The following KIF6 variants were observed in gnomAD, a reference collection of about 807,000 sequenced individuals.
KIF6 encodes the protein kinesin family member 6.
KIF6 carries 106 observed loss-of-function variants against 112.7 expected under a neutral mutation model. The observed-to-expected ratio is 0.94, with a 90% CI of 0.80 to 1.11. The LOEUF is 1.11. Among genes scored for constraint, KIF6 ranks in the 50% least tolerant of loss-of-function variants. KIF6 has a pLI of 0.00. For synonymous variants in KIF6, 339 were observed against 339.9 expected (o/e 1.00, Z 0.03); for missense variants, 929 against 964.0 (o/e 0.96, Z 0.48).
intron 3 of KIF6, among the ~76,000 whole-genome samples, chr6:39,656,890 C>T (rs751969953): frequency 3.9e-5 from 6 of 152,130 alleles, no homozygotes; most frequent in Admixed American, 6.5e-5. Flanking sequence ...GTCCCTCTTC[C>T]ACTCATCATA....
At chr6:39,546,716 C>G (rs1000338918) in intron 10 of KIF6, among the ~76,000 whole-genome samples, 1 of 151,574 alleles carries the variant, frequency 6.6e-6, no homozygotes, top group African/African-American at 2.4e-5. Context: ...ATCCTATCTA[C>G]TTAGGAGGCT....
At chr6:39,574,112 A>T (rs1352236635) in intron 10 of KIF6, among the ~76,000 whole-genome samples, 1 of 152,234 alleles carries the variant, frequency 6.6e-6, no homozygotes, top group Non-Finnish European at 1.5e-5. Flanking sequence ...TCACAATTTT[A>T]GTTTTCATTC....
intron 10 of KIF6, among the ~76,000 whole-genome samples, chr6:39,568,536 ATTTTC>A (rs945585031): frequency 2.0e-5 from 3 of 149,592 alleles, no homozygotes; most frequent in South Asian, 2.1e-4. Context: ...GAGATTTTTC[ATTTTC>A]TTTTCTTTTC....
At chr6:39,704,291 A>G (rs1789053810) in intron 3 of KIF6, among the ~76,000 whole-genome samples, 2 of 152,340 alleles carry the variant, frequency 1.3e-5, no homozygotes, top group Admixed American at 1.3e-4. Context: ...AATGAGGTAG[A>G]TATTACAGTA....
chr6:39,345,109 G>A (rs1437468957), intron 21 of KIF6, among the ~76,000 whole-genome samples: 1 of 152,240 alleles, frequency 6.6e-6, no homozygotes, highest in Non-Finnish European at 1.5e-5. Flanking sequence ...CCTCTGCACA[G>A]CAGGAGGTGG....
intron 13 of KIF6, among the ~76,000 whole-genome samples, chr6:39,450,417 A>C (rs1437408094): frequency 6.6e-6 from 1 of 152,220 alleles, no homozygotes; most frequent in African/African-American, 2.4e-5. Context: ...ATGCCTGAGG[A>C]GGTAAGAATA....
In KIF6 at chr6:39,391,657, TAA is replaced by T. The variant is rs1767906844; in HGVS notation, c.1811-5987_1811-5986del. Reference sequence around the variant, plus strand: ...GAGAAATAAATAAAACGTGTTTCGTTAAAAATGGGCCTGCCCAGCAAAATGCC... The same window carrying T: ...GAGAAATAAATAAAACGTGTTTCGTTAAATGGGCCTGCCCAGCAAAATGCC... On this transcript the variant is annotated intron_variant, in intron 15 of 22. Coordinates refer to ENST00000287152, the MANE Select transcript of KIF6 (RefSeq NM_145027.6). Among the ~76,000 whole-genome samples, 3 of 152,302 alleles carry T rather than the reference TAA, an allele frequency of 2.0e-5. No homozygotes were observed. The Middle Eastern group carries it at 0.01, about 518-fold the overall frequency.
At chr6:39,539,639 G>A (rs1778669428) in intron 13 of KIF6, among the ~76,000 whole-genome samples, 1 of 152,094 alleles carries the variant, frequency 6.6e-6, no homozygotes, top group Non-Finnish European at 1.5e-5. Context: ...CACCGTGCCT[G>A]GCCTGGTAAT....
rs184918240 is a variant in KIF6 at position 39,588,481 on chromosome 6, T to C, written c.847-2077A>G. 7.7e-3 allele frequency among the ~76,000 whole-genome samples: 1,174 copies of C among 152,308 alleles called. 18 individuals are homozygous for C. Among genetic ancestry groups the C allele is most frequent in the African/African-American group, 0.027 (1,116 of 41,562 alleles). On this transcript the variant is annotated intron_variant, in intron 7 of 22. Transcript: ENST00000287152. ...CACCCGCCTCGGCCTCCCAAAGTGC[T>C]AGGATTACAGGTGTGAGCCACTGTG...
chr6:39,426,521 A>G (rs1442872138), intron 14 of KIF6, among the ~76,000 whole-genome samples: 1 of 152,108 alleles, frequency 6.6e-6, no homozygotes, highest in African/African-American at 2.4e-5. Context: ...AGGCCCAGGG[A>G]GGGGGGAGGA....
rs184669374 is a variant in KIF6 at position 39,405,052 on chromosome 6, T to G, written c.1810+14896A>C. On this transcript the variant is annotated intron_variant, in intron 15 of 22. Coordinates refer to ENST00000287152, the MANE Select transcript of KIF6 (RefSeq NM_145027.6). ...TAGAATGTAGGAATATAATTGATTT[T>G]TATGTGTAGACCTTGTATCCTACAG... Among the ~76,000 whole-genome samples the G allele has an allele frequency of 2.2e-4, 33 of 152,106 alleles. No homozygotes were observed. The East Asian group carries it at 3.9e-3, about 18-fold the overall frequency.
intron 15 of KIF6, among the ~76,000 whole-genome samples, chr6:39,406,513 T>G (rs1209914397): frequency 6.6e-6 from 1 of 152,204 alleles, no homozygotes; most frequent in African/African-American, 2.4e-5. Flanking sequence ...TTTGGAATTA[T>G]TTTTGTTCTT....
chr6:39,514,908 T>C (rs1207902636), intron 13 of KIF6, among the ~76,000 whole-genome samples: 1 of 152,198 alleles, frequency 6.6e-6, no homozygotes, highest in Non-Finnish European at 1.5e-5. Context: ...ACCAGCATTG[T>C]TTTCACTGAT....
Position 39,343,407 on chromosome 6 carries a change from T to G in KIF6, c.2428+302A>C, listed in dbSNP as rs1763454290. ...GCCTGAGCAGAGGAGACAGCTGACT[T>G]TGGGAACAGAGAACAAAGGAGCTGA... On this transcript the variant is annotated intron_variant, in intron 22 of 22. Coordinates refer to ENST00000287152, the MANE Select transcript of KIF6 (RefSeq NM_145027.6). This position sits in a 1 kb window ranked among gnomAD's most constrained non-coding sequence, Gnocchi z 4.1. 2.2e-6 allele frequency: 3 copies of G among 1,359,156 alleles called. No homozygotes were observed. The South Asian group carries it at 3.7e-5, about 17-fold the overall frequency. The allele number at this position is 1,359,156 out of a possible 1,614,324, so 84.2% of individuals were successfully genotyped here.
At position 39,552,847 on chromosome 6, in the gene KIF6, T is replaced by C. The variant is rs371929364; in HGVS notation, c.1182-7159A>G. ...CCCTTTAAAACATACAGTATTGAGATAGCAGGTAATGCACAAAAGGAAAGT... is the reference window on the plus strand; with the variant it reads ...CCCTTTAAAACATACAGTATTGAGACAGCAGGTAATGCACAAAAGGAAAGT... On this transcript the variant is annotated intron_variant, in intron 10 of 22. Coordinates refer to ENST00000287152, the MANE Select transcript of KIF6 (RefSeq NM_145027.6). Among the ~76,000 whole-genome samples the C allele has an allele frequency of 1.5e-4, 23 of 152,288 alleles. 1 individual carries two copies. Among genetic ancestry groups the C allele is most frequent in the South Asian group, 1.2e-3 (6 of 4,816 alleles).
chr6:39,337,458 A>G (rs1372047727), intron 22 of KIF6, among the ~76,000 whole-genome samples: 3 of 151,520 alleles, frequency 2.0e-5, no homozygotes, highest in African/African-American at 7.3e-5. Flanking sequence ...AATTACAGGC[A>G]CCCACCACCA....
chr6:39,346,312 T>C (rs1763800277), intron 20 of KIF6, 164 bp downstream of exon 20: 5 of 696,146 alleles, frequency 7.2e-6, no homozygotes, highest in Admixed American at 2.0e-5. Context: ...GTAATGGTAG[T>C]AGAGGTGGGG....
At chr6:39,537,919 T>G (rs1215617713) in intron 13 of KIF6, among the ~76,000 whole-genome samples, 1 of 152,162 alleles carries the variant, frequency 6.6e-6, no homozygotes, top group African/African-American at 2.4e-5. Context: ...GCCGCATACC[T>G]ACAACTATTT....
At chr6:39,712,211 T>C (rs1454161210) in intron 3 of KIF6, among the ~76,000 whole-genome samples, 1 of 152,138 alleles carries the variant, frequency 6.6e-6, no homozygotes, top group Non-Finnish European at 1.5e-5. Context: ...AAAGCAGCTA[T>C]ATTTTATTTA....
Sources: allele counts gnomAD v4.1 joint callset (sites outside exome capture counted in the v4.1 genomes callset), GRCh38; gene constraint gnomAD v4.1.1; non-coding constraint Gnocchi (gnomAD v3.1); transcripts MANE v1.5; gene names NCBI Gene and HGNC (gene_info 2026-07-23, HGNC 2026-07-21).